REV3L: variants seen among roughly 807,000 people sequenced by gnomAD.
The protein encoded by REV3L is DNA polymerase zeta catalytic subunit.
A neutral mutation model predicts 299.4 loss-of-function variants in REV3L; 69 were observed. That is an observed-to-expected ratio of 0.23 (90% CI 0.19 to 0.28). The LOEUF (loss-of-function observed/expected upper bound fraction) is 0.28, where lower values mean the gene tolerates loss of function less well. Ranked by LOEUF, REV3L falls within the 10% of genes least tolerant of loss-of-function variation. The pLI, the probability that REV3L is intolerant of heterozygous loss-of-function variation, is 1.00. For missense variants in REV3L, 3,128 were observed against 3,693.8 expected (o/e 0.85, Z 3.97); for synonymous variants, 1,238 against 1,271.4 (o/e 0.97, Z 0.56).
At chr6:111,476,166 T>C (rs967360502) in intron 1 of REV3L, among the ~76,000 whole-genome samples, 3 of 152,172 alleles carry the variant, frequency 2.0e-5, no homozygotes, top group Non-Finnish European at 4.4e-5. Context: ...GTTGTTTTGA[T>C]TGTTTTTGAG....
At chr6:111,337,510 C>T (rs1426426202) in intron 21 of REV3L, among the ~76,000 whole-genome samples, 1 of 152,046 alleles carries the variant, frequency 6.6e-6, no homozygotes, top group Admixed American at 6.5e-5. Flanking sequence ...AAAGCTAAGT[C>T]TTTATACAGA....
rs1158011144 is a variant in REV3L at position 111,299,435 on chromosome 6, G to A, written c.*581C>T. On this transcript the variant is annotated 3_prime_UTR_variant, in exon 32 of 32. Coordinates refer to ENST00000368802, the MANE Select transcript of REV3L (RefSeq NM_001372078.1). ...AATAATGTTTCAAAATGCTACACGT[G>A]GTACTACTGTTTGCACAGTTTGATC... is the stretch of plus-strand genomic sequence containing the variant. 1.3e-5 allele frequency: 2 copies of A among 152,448 alleles called. No homozygotes were observed. Among genetic ancestry groups the A allele is most frequent in the African/African-American group, 4.8e-5 (2 of 41,388 alleles). 9.4% of individuals were successfully genotyped at this position (152,448 alleles called of 1,614,324 possible). A position where few individuals can be genotyped will look rare whatever the true frequency, so the allele number is the denominator to read the frequency against.
intron 31 of REV3L, among the ~76,000 whole-genome samples, chr6:111,303,165 C>CTTTCTTTCTTTCTTTT (rs4038141): frequency 4.3e-5 from 4 of 92,338 alleles, no homozygotes; most frequent in African/African-American, 1.6e-4. Flanking sequence ...TCTTTTCTTT[C>CTTTCTTTCTTTCTTTT]TTTTTTTTTT....
intron 1 of REV3L, among the ~76,000 whole-genome samples, chr6:111,420,038 G>A (rs974648124): frequency 2.0e-5 from 3 of 152,016 alleles, no homozygotes; most frequent in African/African-American, 7.2e-5. Context: ...GTAGAGACGG[G>A]GTTTCACCGT....
intron 26 of REV3L, chr6:111,315,607 C>G: frequency 2.0e-6 from 1 of 495,220 alleles, no homozygotes; most frequent in Non-Finnish European, 3.6e-6. Flanking sequence ...TTCTAACACA[C>G]AGATCAGCTC....
intron 16 of REV3L, among the ~76,000 whole-genome samples, chr6:111,361,860 T>C (rs1398253903): frequency 6.6e-6 from 1 of 152,162 alleles, no homozygotes; most frequent in Non-Finnish European, 1.5e-5. Flanking sequence ...GGGCGGCAGT[T>C]TGGAATGTGC....
Position 111,385,126 on chromosome 6 carries a change from T to C in REV3L, c.1096+2639A>G, listed in dbSNP as rs989939223. Among the ~76,000 whole-genome samples the C allele has an allele frequency of 6.0e-5, 9 of 151,046 alleles. No homozygotes were observed. In the South Asian group the frequency reaches 8.4e-4, roughly 14 times the overall value. On this transcript the variant is annotated intron_variant, in intron 9 of 31. Transcript: ENST00000368802. ...AGCTAGGAAGGGTAGTAGGGTGGGGTGGGGAAGTGGGGATGGTTAATGAGT... is the reference window on the plus strand; with the variant it reads ...AGCTAGGAAGGGTAGTAGGGTGGGGCGGGGAAGTGGGGATGGTTAATGAGT...
chr6:111,322,462 TCAGA>T (rs1774289940), intron 26 of REV3L, 103 bp downstream of exon 26: 3 of 797,480 alleles, frequency 3.8e-6, no homozygotes, highest in Non-Finnish European at 6.4e-6. Context: ...TGGAAAGGAC[TCAGA>T]CAGAACTCTG....
chr6:111,438,504 T>TAA (rs757079895), intron 1 of REV3L, among the ~76,000 whole-genome samples: 7 of 122,876 alleles, frequency 5.7e-5, no homozygotes, highest in African/African-American at 1.5e-4. Flanking sequence ...ATATTAAGAT[T>TAA]AAAAAAAAAA....
intron 1 of REV3L, chr6:111,430,470 A>G (rs1373704820): frequency 3.2e-6 from 5 of 1,544,094 alleles, no homozygotes; most frequent in Non-Finnish European, 4.5e-6. Context: ...ACCAGAGACC[A>G]TTTATTATAA....
At chr6:111,453,246 T>TA (rs1486155095) in intron 1 of REV3L, among the ~76,000 whole-genome samples, 19 of 152,210 alleles carry the variant, frequency 1.2e-4, no homozygotes, top group Non-Finnish European at 7.3e-5. Context: ...TGTTTCCAGA[T>TA]AAATTATTTT....
rs536070989 is a variant in REV3L, at chr6:111,299,186, A to C, written c.*830T>G. On this transcript the variant is annotated 3_prime_UTR_variant, in exon 32 of 32. Coordinates refer to ENST00000368802, the MANE Select transcript of REV3L (RefSeq NM_001372078.1). Reference sequence around the variant, plus strand: ...TATTCTAAATACACATTTTGTGTTCAAGATGATGGCAAATAAGATTAACTG... The same window carrying C: ...TATTCTAAATACACATTTTGTGTTCCAGATGATGGCAAATAAGATTAACTG... 86 of 152,630 alleles carry C rather than the reference A, an allele frequency of 5.6e-4. 2 individuals are homozygous for C. The highest frequency in any genetic ancestry group is 1.0e-4 in the Non-Finnish European group (7 of 68,016). 9.5% of individuals were successfully genotyped at this position (152,630 alleles called of 1,614,324 possible). A position where few individuals can be genotyped will look rare whatever the true frequency, so the allele number is the denominator to read the frequency against.
intron 28 of REV3L, 96 bp downstream of exon 28, chr6:111,313,256 C>T (rs1045779733): frequency 5.1e-5 from 56 of 1,095,698 alleles, no homozygotes; most frequent in South Asian, 2.9e-4. Context: ...GGCTATAGTT[C>T]CTTCACCTAG....
At chr6:111,413,344 T>A (rs1479021197) in intron 2 of REV3L, among the ~76,000 whole-genome samples, 2 of 152,080 alleles carry the variant, frequency 1.3e-5, no homozygotes, top group Non-Finnish European at 2.9e-5. Context: ...TTTAAAAAAT[T>A]ATATCTCGTA....
At position 111,313,477 on chromosome 6, in the gene REV3L, AG is replaced by A; in HGVS notation, c.8478del (p.Cys2827ValfsTer29). On this transcript the variant is annotated frameshift_variant, in exon 28 of 32. Transcript: ENST00000368802. LOFTEE classifies it high-confidence loss of function. Reference protein sequence around the residue: ...VKLKFEKVYLPCVLQTKKRYV... With the variant: ...VKLKFEKVYLXCVLQTKKRYV... ...TACCTCTTTTTTGTTTGTAAAACACAGGGCAAATATACCTGTGGTAAAATTA... is the reference window on the plus strand; with the variant it reads ...TACCTCTTTTTTGTTTGTAAAACACAGGCAAATATACCTGTGGTAAAATTA... 1 of 1,609,604 alleles carries A rather than the reference AG, an allele frequency of 6.2e-7. No homozygotes were observed. The highest frequency in any genetic ancestry group is 8.5e-7 in the Non-Finnish European group (1 of 1,178,634).
chr6:111,474,606 C>T (rs1177186512), intron 1 of REV3L, among the ~76,000 whole-genome samples: 1 of 152,184 alleles, frequency 6.6e-6, no homozygotes, highest in East Asian at 1.9e-4. Context: ...AACCCCAACG[C>T]CTTCCTTCAG....
At position 111,466,141 on chromosome 6, in the gene REV3L, CTCATT is replaced by C. The variant is rs557561688; in HGVS notation, c.139+16604_139+16608del. Among the ~76,000 whole-genome samples, 1,224 of 152,126 alleles carry C rather than the reference CTCATT, an allele frequency of 8.0e-3. 4 individuals are homozygous for C. The highest frequency in any genetic ancestry group is 0.013 in the Non-Finnish European group (850 of 67,976). ...TATATTACTATTTTGTCAAGTTATT[CTCATT>C]TCATTTCATTTTTCTAGTAATTCAT... is the stretch of plus-strand genomic sequence containing the variant. On this transcript the variant is annotated intron_variant, in intron 1 of 31. Transcript: ENST00000368802.
chr6:111,392,548 T>A (rs1473922231), intron 5 of REV3L: 1 of 160,720 alleles, frequency 6.2e-6, no homozygotes, highest in Non-Finnish European at 1.4e-5. Context: ...TAAATTACTA[T>A]TTTATCATAA....
At position 111,307,543 on chromosome 6, in the gene REV3L, T is replaced by C. The variant is rs762062435; in HGVS notation, c.9070A>G (p.Ser3024Gly). The stretch of plus-strand genomic sequence containing the variant: ...GTGCCTTTCCGCCCTTCAGGTTCAC[T>C]TCGCGAGGAGCTGGTAGCTTTATGG... ...RIHKATSSSR[S>G]EPEGRKGTIS... The change falls in exon 31 of 32, where the codon AGT becomes GGT. Residue 3024 changes from serine (S) to glycine (G), a missense_variant. Physicochemically the swap from Ser to Gly is moderately conservative, Grantham distance 56. Around this residue, in one of 9 missense-constraint regions of REV3L, gnomAD observed 294 missense variants for 377.0 expected, o/e 0.78. Coordinates refer to ENST00000368802, the MANE Select transcript of REV3L (RefSeq NM_001372078.1). 6 of 1,614,220 alleles carry C rather than the reference T, an allele frequency of 3.7e-6. No homozygotes were observed. The highest frequency in any genetic ancestry group is 4.2e-6 in the Non-Finnish European group (5 of 1,180,036).
Sources: allele counts gnomAD v4.1 joint callset (sites outside exome capture counted in the v4.1 genomes callset), GRCh38; gene constraint gnomAD v4.1.1; regional missense constraint gnomAD v4.1.1; transcripts MANE v1.5; gene names NCBI Gene and HGNC (gene_info 2026-07-23, HGNC 2026-07-21).